GRB2: variants seen among roughly 807,000 people sequenced by gnomAD.
GRB2 encodes the protein growth factor receptor bound protein 2.
GRB2 carries 2 observed loss-of-function variants against 27.4 expected under a neutral mutation model. The ratio of observed to expected loss-of-function variants is 0.07; its 90% CI spans 0.03 to 0.23. The LOEUF (loss-of-function observed/expected upper bound fraction) is 0.23, where lower values mean the gene tolerates loss of function less well. Among genes scored for constraint, GRB2 ranks in the 10% least tolerant of loss-of-function variants. GRB2 has a pLI of 1.00. For synonymous variants in GRB2, 94 were observed against 99.6 expected (o/e 0.94, Z 0.33); for missense variants, 102 against 282.4 (o/e 0.36, Z 4.58).
intron 1 of GRB2, among the ~76,000 whole-genome samples, chr17:75,399,288 C>T (rs1487981748): frequency 6.6e-6 from 1 of 151,478 alleles, no homozygotes; most frequent in Non-Finnish European, 1.5e-5. Context: ...CCTGGACTCA[C>T]GTGATCCTCC....
chr17:75,394,194 C>A lies in GRB2; in HGVS notation c.-137-429G>T, dbSNP rs141390534. The A allele has an allele frequency of 6.2e-3, 962 of 155,106 alleles. 4 individuals are homozygous for A. The highest frequency in any genetic ancestry group is 0.013 in the Middle Eastern group (4 of 304). The allele number at this position is 155,106 out of a possible 1,614,324, so 9.6% of individuals were successfully genotyped here. On this transcript the variant is annotated intron_variant, in intron 1 of 5. Coordinates refer to ENST00000316804, the MANE Select transcript of GRB2 (RefSeq NM_002086.5). ...TTAAACAGGCCTGTCTCCCTCCCTTCCCCACCGCCATCCTTTCTGGTCTTC... is the reference window on the plus strand; with the variant it reads ...TTAAACAGGCCTGTCTCCCTCCCTTACCCACCGCCATCCTTTCTGGTCTTC...
chr17:75,368,162 G>A (rs565919465), intron 2 of GRB2, among the ~76,000 whole-genome samples: 4 of 150,496 alleles, frequency 2.7e-5, no homozygotes, highest in Non-Finnish European at 5.9e-5. Flanking sequence ...TGATCCACTC[G>A]CCTTGGCCTC....
intron 2 of GRB2, among the ~76,000 whole-genome samples, chr17:75,353,132 C>A (rs2078703731): frequency 6.6e-6 from 1 of 150,674 alleles, no homozygotes; most frequent in South Asian, 2.1e-4. Context: ...TTGCAGTGAG[C>A]CGAGATCGCG....
rs2078438269 is a variant in GRB2 at position 75,319,169 on chromosome 17, G to A, written c.*1199C>T. 8.2e-6 allele frequency: 1 copy of A among 122,066 alleles called. No individual in the cohort carries two copies. Among genetic ancestry groups the A allele is most frequent in the African/African-American group, 3.0e-5 (1 of 33,000 alleles). 7.6% of individuals were successfully genotyped at this position (122,066 alleles called of 1,614,324 possible). ...AAGCCTCCTGGCTTAGTACAAGCAG[G>A]AGAACGCCTCACCTTCCACTCCTGC... On this transcript the variant is annotated 3_prime_UTR_variant, in exon 6 of 6. Coordinates refer to ENST00000316804, the MANE Select transcript of GRB2 (RefSeq NM_002086.5).
intron 2 of GRB2, among the ~76,000 whole-genome samples, chr17:75,389,321 TCA>T (rs2078984127): frequency 6.6e-6 from 1 of 152,118 alleles, no homozygotes; most frequent in Admixed American, 6.6e-5. Context: ...AAGGTTCAAG[TCA>T]CAACTCTGCA....
intron 2 of GRB2, among the ~76,000 whole-genome samples, chr17:75,338,587 C>T (rs2078597467): frequency 6.6e-6 from 1 of 152,146 alleles, no homozygotes; most frequent in Non-Finnish European, 1.5e-5. Context: ...ACTTTGTAGC[C>T]ACACGACACT....
chr17:75,321,860 A>G (rs751578549), intron 4 of GRB2, 33 bp from the exon 5 acceptor site: 11 of 1,607,902 alleles, frequency 6.8e-6, no homozygotes, highest in East Asian at 2.2e-5. Context: ...GTGACCGGCT[A>G]AAGGCTCTAA....
At chr17:75,341,620 G>A in intron 2 of GRB2, among the ~76,000 whole-genome samples, 1 of 151,852 alleles carries the variant, frequency 6.6e-6, no homozygotes, top group Non-Finnish European at 1.5e-5. Flanking sequence ...ACAGGGAGGA[G>A]GACAAAGTCC....
chr17:75,321,881 C>A lies in GRB2; in HGVS notation c.300-54G>T, dbSNP rs1044226245. On this transcript the variant is annotated intron_variant, in intron 4 of 5. Transcript: ENST00000316804. Reference sequence around the variant, plus strand: ...GGCTAAAGGCTCTAACTTGGCAAATCGAGGGTATTTCCATATAGGAGCTAT... The same window carrying A: ...GGCTAAAGGCTCTAACTTGGCAAATAGAGGGTATTTCCATATAGGAGCTAT... The A allele has an allele frequency of 3.8e-6, 6 of 1,568,666 alleles. No homozygotes were observed. The African/African-American group carries it at 5.4e-5, about 14-fold the overall frequency.
At chr17:75,324,351 C>T (rs1160432928) in intron 4 of GRB2, among the ~76,000 whole-genome samples, 2 of 149,148 alleles carry the variant, frequency 1.3e-5, no homozygotes, top group African/African-American at 5.0e-5. Context: ...GCCACCACGC[C>T]GAGGCCATTT....
At chr17:75,333,832 C>A (rs2078557383) in intron 2 of GRB2, among the ~76,000 whole-genome samples, 1 of 152,232 alleles carries the variant, frequency 6.6e-6, no homozygotes, top group African/African-American at 2.4e-5. Context: ...AATCCTGGAA[C>A]TGAACCACTG....
At chr17:75,382,307 A>T (rs1005668119) in intron 2 of GRB2, among the ~76,000 whole-genome samples, 1 of 152,178 alleles carries the variant, frequency 6.6e-6, no homozygotes, top group Non-Finnish European at 1.5e-5. Flanking sequence ...TAAAGAATAA[A>T]TTAGTTGAAA....
Position 75,405,624 on chromosome 17 carries a change from A to AGCCGCC in GRB2, c.-279_-274dup, listed in dbSNP as rs997553253. 5.5e-5 allele frequency: 9 copies of AGCCGCC among 162,654 alleles called. No homozygotes were observed. The highest frequency in any genetic ancestry group is 2.7e-4 in the South Asian group (2 of 7,500). 10.1% of individuals were successfully genotyped at this position (162,654 alleles called of 1,614,324 possible). A position where few individuals can be genotyped will look rare whatever the true frequency, so the allele number is the denominator to read the frequency against. On this transcript the variant is annotated 5_prime_UTR_variant, in exon 1 of 6. Coordinates refer to ENST00000316804, the MANE Select transcript of GRB2 (RefSeq NM_002086.5). The stretch of plus-strand genomic sequence containing the variant: ...CCGCCACAGGCACAGACTCTGCCAC[A>AGCCGCC]GCCGCCGCCGCCGCTGCCGCCGCCC...
In GRB2 at chr17:75,386,904, G is replaced by A. The variant is rs530265813; in HGVS notation, c.78+6647C>T. Among the ~76,000 whole-genome samples, 17 of 152,260 alleles carry A rather than the reference G, an allele frequency of 1.1e-4. No homozygotes were observed. The South Asian group carries it at 1.2e-3, about 11-fold the overall frequency. On this transcript the variant is annotated intron_variant, in intron 2 of 5. Coordinates refer to ENST00000316804, the MANE Select transcript of GRB2 (RefSeq NM_002086.5). ...AAGAATGCCGATCTTGGCCAGGCGC[G>A]GTGGCTCACGCCTGTAACCCCAGCA...
chr17:75,393,746 CTG>C lies in GRB2; in HGVS notation c.-120_-119del. The C allele has an allele frequency of 1.3e-6, 1 of 744,694 alleles. No homozygotes were observed. The highest frequency in any genetic ancestry group is 2.1e-5 in the Admixed American group (1 of 46,672). 46.1% of individuals were successfully genotyped at this position (744,694 alleles called of 1,614,324 possible). On this transcript the variant is annotated 5_prime_UTR_variant, in exon 2 of 6. Coordinates refer to ENST00000316804, the MANE Select transcript of GRB2 (RefSeq NM_002086.5). Reference sequence around the variant, plus strand: ...CTCTTCTGGGACTCGCTCCGGCACTCTGGGACACACAATGCCACCCTGAAGCA... The same window carrying C: ...CTCTTCTGGGACTCGCTCCGGCACTCGGACACACAATGCCACCCTGAAGCA...
At chr17:75,360,908 C>T (rs2078776421) in intron 2 of GRB2, among the ~76,000 whole-genome samples, 1 of 152,122 alleles carries the variant, frequency 6.6e-6, no homozygotes, top group South Asian at 2.1e-4. Flanking sequence ...GTCAGGACTA[C>T]AGGCATGTGC....
chr17:75,393,680 C>T lies in GRB2; in HGVS notation c.-52G>A. Reference sequence around the variant, plus strand: ...CCTGAAGCAGGGGGAAGGGAGTCTTCCCTGCTGAAGCAACCCAGCGCTCTG... The same window carrying T: ...CCTGAAGCAGGGGGAAGGGAGTCTTTCCTGCTGAAGCAACCCAGCGCTCTG... On this transcript the variant is annotated 5_prime_UTR_variant, in exon 2 of 6. Coordinates refer to ENST00000316804, the MANE Select transcript of GRB2 (RefSeq NM_002086.5). The T allele has an allele frequency of 6.8e-7, 1 of 1,471,830 alleles. No individual in the cohort carries two copies. Among genetic ancestry groups the T allele is most frequent in the East Asian group, 2.3e-5 (1 of 44,190 alleles). 91.2% of individuals were successfully genotyped at this position (1,471,830 alleles called of 1,614,324 possible).
In GRB2 at chr17:75,339,145, T is replaced by A. The variant is rs576466291; in HGVS notation, c.79-6348A>T. On this transcript the variant is annotated intron_variant, in intron 2 of 5. Coordinates refer to ENST00000316804, the MANE Select transcript of GRB2 (RefSeq NM_002086.5). ...GAGAAAGGGCCAAGTGATCCAGTTC[T>A]AAGTGTCATCTTTTGTTTTATTATG... 6.6e-6 allele frequency: 8 copies of A among 1,209,490 alleles called. No homozygotes were observed. In the South Asian group the frequency reaches 9.7e-5, roughly 15 times the overall value. 74.9% of individuals were successfully genotyped at this position (1,209,490 alleles called of 1,614,324 possible).
At chr17:75,329,206 A>G (rs2078522600) in intron 3 of GRB2, among the ~76,000 whole-genome samples, 1 of 152,160 alleles carries the variant, frequency 6.6e-6, no homozygotes, top group Non-Finnish European at 1.5e-5. Context: ...ATTCTCAATC[A>G]GCAAGGCTCT....
Sources: gnomAD v4.1 joint callset for allele counts (sites outside exome capture counted in the v4.1 genomes callset) on GRCh38, gnomAD v4.1.1 for gene constraint, MANE v1.5 for transcripts, NCBI Gene and HGNC (gene_info 2026-07-23, HGNC 2026-07-21) for gene names.